CSMD1: variants seen among roughly 807,000 people sequenced by gnomAD.
The protein encoded by CSMD1 is CUB and sushi domain-containing protein 1.
In CSMD1, 213 loss-of-function variants were observed where a neutral mutation model predicts 417.5. That is an observed-to-expected ratio of 0.51 (90% confidence interval 0.46 to 0.57). CSMD1 has a LOEUF of 0.57. Ranked by LOEUF, CSMD1 falls within the 20% of genes least tolerant of loss-of-function variation. The pLI, the probability that CSMD1 is intolerant of heterozygous loss-of-function variation, is 0.00. For synonymous variants in CSMD1, 2,862 were observed against 1,736.8 expected (o/e 1.65, Z -16.11); for missense variants, 6,923 against 4,529.7 (o/e 1.53, Z -15.17).
chr8:4,837,326 G>A (rs1423659066), intron 1 of CSMD1, among the ~76,000 whole-genome samples: 2 of 152,130 alleles, frequency 1.3e-5, no homozygotes, highest in African/African-American at 2.4e-5. Flanking sequence ...GTTTACAATA[G>A]CAGAGATTTG....
chr8:3,814,876 T>A (rs1026406626), intron 5 of CSMD1, among the ~76,000 whole-genome samples: 2 of 152,200 alleles, frequency 1.3e-5, no homozygotes, highest in African/African-American at 4.8e-5. Context: ...CTTGTGTTAA[T>A]TATTTAAAGT....
At chr8:4,201,006 C>T (rs1253504532) in intron 3 of CSMD1, among the ~76,000 whole-genome samples, 1 of 152,136 alleles carries the variant, frequency 6.6e-6, no homozygotes, top group Non-Finnish European at 1.5e-5. Context: ...CCGTTCATAT[C>T]AGTGTGGAAG....
At chr8:3,753,131 C>G (rs2623727) in intron 6 of CSMD1, among the ~76,000 whole-genome samples, 150,169 of 152,292 alleles carry the variant, frequency 0.99, 74,076 homozygotes, top group East Asian at 1. Flanking sequence ...AGGTGTTCAG[C>G]GAATGCTACC....
At chr8:4,260,785 G>C (rs1803826228) in intron 3 of CSMD1, among the ~76,000 whole-genome samples, 1 of 152,112 alleles carries the variant, frequency 6.6e-6, no homozygotes, top group Admixed American at 6.5e-5. Flanking sequence ...TACAACTTGA[G>C]CACTGTCACC....
intron 12 of CSMD1, among the ~76,000 whole-genome samples, chr8:3,441,480 G>A (rs954693330): frequency 7.4e-6 from 1 of 134,268 alleles, no homozygotes; most frequent in Non-Finnish European, 1.6e-5. Context: ...ATTTGCTTAT[G>A]GCATATAATT....
chr8:2,997,019 C>T (rs574492170), intron 54 of CSMD1, among the ~76,000 whole-genome samples: 73 of 152,344 alleles, frequency 4.8e-4, no homozygotes, highest in African/African-American at 1.7e-3. Flanking sequence ...GTGGTTCCCT[C>T]CTCTGGTCAG....
chr8:3,835,771 T>G (rs1340470068), intron 5 of CSMD1, among the ~76,000 whole-genome samples: 1 of 152,094 alleles, frequency 6.6e-6, no homozygotes, highest in Non-Finnish European at 1.5e-5. Context: ...CCCCACCATT[T>G]GGCTAACTCT....
chr8:4,315,043 C>T (rs142069017), intron 3 of CSMD1, among the ~76,000 whole-genome samples: 144 of 152,242 alleles, frequency 9.5e-4, no homozygotes, highest in Middle Eastern at 3.4e-3. Flanking sequence ...ATCATGACTG[C>T]GTTGGCTTCC....
At chr8:3,397,054 G>T (rs530231800) in intron 16 of CSMD1, among the ~76,000 whole-genome samples, 16 of 152,074 alleles carry the variant, frequency 1.1e-4, no homozygotes, top group African/African-American at 3.6e-4. Context: ...TCTAGCCTGA[G>T]ATTTTATATA....
chr8:4,048,827 T>C (rs561778579), intron 3 of CSMD1, among the ~76,000 whole-genome samples: 11 of 152,350 alleles, frequency 7.2e-5, no homozygotes, highest in African/African-American at 2.2e-4. Flanking sequence ...ATTCACTCAA[T>C]AGTACACCTT....
At position 3,783,646 on chromosome 8, in the gene CSMD1, T is replaced by C. The variant is rs2129064047; in HGVS notation, c.819-29604A>G. Among the ~76,000 whole-genome samples, 2 of 152,310 alleles carry C rather than the reference T, an allele frequency of 1.3e-5. 1 individual carries two copies. The highest frequency in any genetic ancestry group is 3.9e-4 in the East Asian group (2 of 5,178). ...TGCAGCTGGTTCTTCTGCATGTCCA[T>C]AAAACATGGTTGAAGCACCCTGCTG... On this transcript the variant is annotated intron_variant, in intron 5 of 69. Coordinates refer to ENST00000635120, the MANE Select transcript of CSMD1 (RefSeq NM_033225.6).
intron 5 of CSMD1, among the ~76,000 whole-genome samples, chr8:3,838,530 A>ATG (rs1802857822): frequency 2.2e-5 from 3 of 133,886 alleles, no homozygotes; most frequent in Non-Finnish European, 3.1e-5. Context: ...TAGCCTATAT[A>ATG]TATAGTCTAT....
chr8:3,877,454 G>A (rs1319180309), intron 5 of CSMD1, among the ~76,000 whole-genome samples: 1 of 152,268 alleles, frequency 6.6e-6, no homozygotes, highest in Admixed American at 6.5e-5. Context: ...TCTTAATCTA[G>A]CAGGCCCTAC....
rs546190355 is a variant in CSMD1 at position 4,253,293 on chromosome 8, C to G, written c.415+166660G>C. On this transcript the variant is annotated intron_variant, in intron 3 of 69. Transcript: ENST00000635120. ...ACCCTGAGGCTAAATTAGACATTCTCTCTTCAATATTCATGTTTTGTCTCT... is the reference window on the plus strand; with the variant it reads ...ACCCTGAGGCTAAATTAGACATTCTGTCTTCAATATTCATGTTTTGTCTCT... Among the ~76,000 whole-genome samples the G allele has an allele frequency of 4.2e-4, 64 of 152,234 alleles. No individual in the cohort carries two copies. In the South Asian group the frequency reaches 0.013, roughly 30 times the overall value.
At chr8:3,130,949 C>T (rs1817761886) in intron 41 of CSMD1, among the ~76,000 whole-genome samples, 1 of 152,194 alleles carries the variant, frequency 6.6e-6, no homozygotes. Flanking sequence ...CCAGATTAGG[C>T]TCTTAAAATG....
intron 3 of CSMD1, among the ~76,000 whole-genome samples, chr8:4,249,210 G>T (rs895068032): frequency 6.6e-6 from 1 of 152,158 alleles, no homozygotes; most frequent in Non-Finnish European, 1.5e-5. Context: ...AGGAGATTAG[G>T]AGGAATTTAT....
chr8:4,716,426 G>C (rs1261506520), intron 1 of CSMD1, among the ~76,000 whole-genome samples: 1 of 152,128 alleles, frequency 6.6e-6, no homozygotes, highest in Non-Finnish European at 1.5e-5. Context: ...GTATACAAGG[G>C]ACATCAAGAT....
intron 6 of CSMD1, among the ~76,000 whole-genome samples, chr8:3,727,409 G>T (rs1443818352): frequency 6.6e-6 from 1 of 152,160 alleles, no homozygotes; most frequent in African/African-American, 2.4e-5. Flanking sequence ...GGATACCTCA[G>T]CTCAGATGGG....
chr8:3,366,436 C>G (rs1038733758), intron 20 of CSMD1, among the ~76,000 whole-genome samples: 1 of 152,086 alleles, frequency 6.6e-6, no homozygotes, highest in Non-Finnish European at 1.5e-5. Flanking sequence ...ACAATCTAAC[C>G]CATACAAATA....
Sources: gnomAD v4.1 joint callset for allele counts (sites outside exome capture counted in the v4.1 genomes callset) on GRCh38, gnomAD v4.1.1 for gene constraint, MANE v1.5 for transcripts, NCBI Gene and HGNC (gene_info 2026-07-23, HGNC 2026-07-21) for gene names.